IL17RB: variants seen among roughly 807,000 people sequenced by gnomAD.
The protein encoded by IL17RB is interleukin-17 receptor B.
A neutral mutation model predicts 43.9 loss-of-function variants in IL17RB; 36 were observed. The ratio of observed to expected loss-of-function variants is 0.82; its 90% CI spans 0.63 to 1.08. The LOEUF is 1.08. Among genes scored for constraint, IL17RB ranks in the 50% least tolerant of loss-of-function variants. IL17RB has a pLI of 0.00. For synonymous variants in IL17RB, 225 were observed against 225.4 expected (o/e 1.00, Z 0.02); for missense variants, 613 against 613.6 (o/e 1.00, Z 0.01).
At chr3:53,852,762 T>G (rs1699197158) in intron 4 of IL17RB, 109 bp from the exon 5 acceptor site, 1 of 1,043,822 alleles carries the variant, frequency 9.6e-7, no homozygotes, top group Non-Finnish European at 1.4e-6. Context: ...AGACCTAAGT[T>G]TTCACAGAGT....
chr3:53,865,195 T>C lies in IL17RB; in HGVS notation c.1396T>C (p.Tyr466His). The change falls in exon 11 of 11, where the codon TAC becomes CAC. Residue 466 changes from tyrosine (Y) to histidine (H), a missense_variant. Coordinates refer to ENST00000288167, the MANE Select transcript of IL17RB (RefSeq NM_018725.4). ...CAATGCTCTCAGTGTCTGCCCCAAG[T>C]ACCACCTCATGAAGGATGCCACTGC... ...DYNALSVCPK[Y>H]HLMKDATAFC... 6.2e-7 allele frequency: 1 copy of C among 1,614,126 alleles called. No individual in the cohort carries two copies. The highest frequency in any genetic ancestry group is 8.5e-7 in the Non-Finnish European group (1 of 1,180,006).
chr3:53,862,590 A>G lies in IL17RB; in HGVS notation c.947-2156A>G, dbSNP rs574345481. On this transcript the variant is annotated intron_variant, in intron 10 of 10. Coordinates refer to ENST00000288167, the MANE Select transcript of IL17RB (RefSeq NM_018725.4). ...CGGATCTTGGAGAAATTCAAGAGCTAACAGATAACCACACTAGAGGAACAA... is the reference window on the plus strand; with the variant it reads ...CGGATCTTGGAGAAATTCAAGAGCTGACAGATAACCACACTAGAGGAACAA... Among the ~76,000 whole-genome samples the G allele has an allele frequency of 2.0e-5, 3 of 152,336 alleles. No individual in the cohort carries two copies. The East Asian group carries it at 5.8e-4, about 29-fold the overall frequency.
chr3:53,857,270 T>C (rs1241912344), intron 7 of IL17RB, among the ~76,000 whole-genome samples: 1 of 152,164 alleles, frequency 6.6e-6, no homozygotes, highest in Non-Finnish European at 1.5e-5. Flanking sequence ...ATCTGCTCAC[T>C]CCTGTGCCTC....
At position 53,846,654 on chromosome 3, in the gene IL17RB, C is replaced by T. The variant is rs763456015; in HGVS notation, c.60+6C>T. 10 of 1,588,856 alleles carry T rather than the reference C, an allele frequency of 6.3e-6. No individual in the cohort carries two copies. The highest frequency in any genetic ancestry group is 3.4e-5 in the Admixed American group (2 of 58,332). ...GCGCCGTACCCCGAGAGCCGGTAAG[C>T]CCCCGCCAGCACCTCTTCCCTCATC... On this transcript the variant is annotated splice_donor_region_variant and intron_variant, in intron 1 of 10. Transcript: ENST00000288167.
At chr3:53,851,150 G>A (rs1464881357) in intron 3 of IL17RB, among the ~76,000 whole-genome samples, 1 of 152,194 alleles carries the variant, frequency 6.6e-6, no homozygotes, top group East Asian at 1.9e-4. Context: ...CTTTCAGTGA[G>A]CTACTCCTGG....
chr3:53,860,324 C>A, intron 10 of IL17RB, 96 bp downstream of exon 10: 9 of 961,056 alleles, frequency 9.4e-6, no homozygotes, highest in Middle Eastern at 3.3e-4. Context: ...CACATGTTGG[C>A]GTTTCCCAGA....
chr3:53,858,477 G>A, intron 8 of IL17RB: 1 of 1,364,080 alleles, frequency 7.3e-7, no homozygotes, highest in Non-Finnish European at 9.5e-7. Flanking sequence ...GAACTGGTAT[G>A]TTAGTAACGT....
At chr3:53,847,101 G>T (rs1326313558) in intron 1 of IL17RB, among the ~76,000 whole-genome samples, 1 of 152,152 alleles carries the variant, frequency 6.6e-6, no homozygotes, top group African/African-American at 2.4e-5. Context: ...ATGTTCACTC[G>T]TGAAGGCAGT....
At chr3:53,859,953 T>C in intron 9 of IL17RB, 177 bp from the exon 10 acceptor site, 1 of 501,534 alleles carries the variant, frequency 2.0e-6, no homozygotes, top group Non-Finnish European at 3.6e-6. Flanking sequence ...GAGGCTGCAG[T>C]GAACCGAGAT....
chr3:53,849,483 T>G (rs1699052197), intron 2 of IL17RB, among the ~76,000 whole-genome samples, 172 bp from the exon 3 acceptor site: 1 of 151,238 alleles, frequency 6.6e-6, no homozygotes, highest in Non-Finnish European at 1.5e-5. Context: ...TGAGATCATC[T>G]TAGGCAACAG....
chr3:53,865,356 T>C lies in IL17RB; in HGVS notation c.*48T>C. 2 of 1,448,980 alleles carry C rather than the reference T, an allele frequency of 1.4e-6. No individual in the cohort carries two copies. The highest frequency in any genetic ancestry group is 2.3e-5 in the East Asian group (1 of 43,546). The allele number at this position is 1,448,980 out of a possible 1,614,324, so 89.8% of individuals were successfully genotyped here. Reference sequence around the variant, plus strand: ...CCTTAAAGGCTTCCTATCCCACCAATTACAGGGAAAAAACGTGTGATGATC... The same window carrying C: ...CCTTAAAGGCTTCCTATCCCACCAACTACAGGGAAAAAACGTGTGATGATC... On this transcript the variant is annotated 3_prime_UTR_variant, in exon 11 of 11. Transcript: ENST00000288167.
chr3:53,860,765 T>TC (rs1699534914), intron 10 of IL17RB: 1 of 152,078 alleles, frequency 6.6e-6, no homozygotes, highest in Admixed American at 6.6e-5. Context: ...ATTAAAATAT[T>TC]GAAAAAAATG....
intron 5 of IL17RB, among the ~76,000 whole-genome samples, chr3:53,854,998 T>G (rs2107013998): frequency 6.6e-6 from 1 of 151,872 alleles, no homozygotes; most frequent in East Asian, 1.9e-4. Flanking sequence ...GCGCCTGTAG[T>G]CCCAGCTACT....
chr3:53,864,959 A>C lies in IL17RB; in HGVS notation c.1160A>C (p.Lys387Thr), dbSNP rs1474836653. 25 of 1,614,092 alleles carry C rather than the reference A, an allele frequency of 1.5e-5. No homozygotes were observed. Among genetic ancestry groups the C allele is most frequent in the Non-Finnish European group, 1.9e-5 (23 of 1,180,020 alleles). The change falls in exon 11 of 11, where the codon AAG (lysine) becomes ACG (threonine). Residue 387 changes from lysine to threonine, a missense_variant. Lys to Thr is a moderately conservative substitution (Grantham distance 78). Transcript: ENST00000288167. ...GTGCAGTGGCTTGCCACTCAAAAGA[A>C]GGCAGCAGACAAAGTCGTCTTCCTT... Reference protein sequence around the residue: ...GPVQWLATQKKAADKVVFLLS... With the variant: ...GPVQWLATQKTAADKVVFLLS...
chr3:53,848,835 C>A, intron 2 of IL17RB, 147 bp downstream of exon 2: 1 of 887,616 alleles, frequency 1.1e-6, no homozygotes, highest in South Asian at 1.4e-5. Context: ...AAGTCTCTGT[C>A]TGCTCGAAGC....
intron 9 of IL17RB, 36 bp downstream of exon 9, chr3:53,858,854 T>C (rs1024973082): frequency 5.9e-6 from 9 of 1,524,530 alleles, no homozygotes; most frequent in Non-Finnish European, 8.2e-6. Context: ...ATGATCAAAG[T>C]GGCTCACACA....
At position 53,857,636 on chromosome 3, in the gene IL17RB, G is replaced by A. The variant is rs770000763; in HGVS notation, c.693G>A (p.Thr231=). 90 of 1,614,146 alleles carry A rather than the reference G, an allele frequency of 5.6e-5. No individual in the cohort carries two copies. Among genetic ancestry groups the A allele is most frequent in the Admixed American group, 1.5e-4 (9 of 60,020 alleles). ...QVFEPHQKKQ[T]RASVVIPVTG... Reference sequence around the variant, plus strand: ...TTAAGCCACACCAGAAGAAACAAACGCGAGCTTCAGTGGTGATTCCAGTGA... The same window carrying A: ...TTAAGCCACACCAGAAGAAACAAACACGAGCTTCAGTGGTGATTCCAGTGA... Residue 231 remains threonine (T), a synonymous_variant, in exon 8 of 11, where the codon ACG becomes ACA. Coordinates refer to ENST00000288167, the MANE Select transcript of IL17RB (RefSeq NM_018725.4).
rs1699366692 is a variant in IL17RB at position 53,857,136 on chromosome 3, C to T, written c.672+150C>T. ...TCCCTGTGGGCATCCTGAGAGGTGT[C>T]ACTGTGAACCTCAAACCATAGAAAG... On this transcript the variant is annotated intron_variant, in intron 7 of 10. Transcript: ENST00000288167. 1.0e-5 allele frequency: 8 copies of T among 782,250 alleles called. No homozygotes were observed. In the South Asian group the frequency reaches 1.3e-4, roughly 13 times the overall value. 48.5% of individuals were successfully genotyped at this position (782,250 alleles called of 1,614,324 possible).
Position 53,849,692 on chromosome 3 carries a change from C to T in IL17RB, c.123C>T (p.Ile41=). 1.2e-6 allele frequency: 2 copies of T among 1,612,760 alleles called. No homozygotes were observed. Among genetic ancestry groups the T allele is most frequent in the Non-Finnish European group, 1.7e-6 (2 of 1,179,424 alleles). ...SPEWMLQHDL[I]PGDLRDLRVE... ...AGTGGATGCTACAACATGATCTAATCCCCGGAGACTTGAGGGACCTCCGAG... is the reference window on the plus strand; with the variant it reads ...AGTGGATGCTACAACATGATCTAATTCCCGGAGACTTGAGGGACCTCCGAG... The change falls in exon 3 of 11, where the codon ATC becomes ATT. Residue 41 remains isoleucine (I), a synonymous_variant. Transcript: ENST00000288167.
Sources: gnomAD v4.1 joint callset for allele counts (sites outside exome capture counted in the v4.1 genomes callset) on GRCh38, gnomAD v4.1.1 for gene constraint, MANE v1.5 for transcripts, NCBI Gene and HGNC (gene_info 2026-07-23, HGNC 2026-07-21) for gene names.